The following VIM variants were observed in gnomAD, a reference collection of about 807,000 sequenced individuals.
The protein encoded by VIM is vimentin.
Under a neutral mutation model 50.3 loss-of-function variants are expected in VIM, and 18 were observed. The ratio of observed to expected loss-of-function variants is 0.36; its 90% CI spans 0.25 to 0.53. The LOEUF (loss-of-function observed/expected upper bound fraction) is 0.53. Among genes scored for constraint, VIM ranks in the 20% least tolerant of loss-of-function variants. The pLI, the probability that VIM is intolerant of heterozygous loss-of-function variation, is 0.91. For synonymous variants in VIM, 245 were observed against 248.5 expected, an observed-to-expected ratio of 0.99 and a Z score of 0.13; for missense variants, 551 against 614.7, an observed-to-expected ratio of 0.90 and a Z score of 1.10.
intron 8 of VIM, 29 bp from the exon 9 acceptor site, chr10:17,236,265 A>T (rs200106327): frequency 1.0e-5 from 15 of 1,501,230 alleles, no homozygotes; most frequent in Non-Finnish European, 1.2e-5. Context: ...ACTCGTTTTT[A>T]CTCATTTTTG....
Position 17,229,485 on chromosome 10 carries a change from G to A in VIM, c.63G>A (p.Ala21=), listed in dbSNP as rs765009320. 3.7e-6 allele frequency: 6 copies of A among 1,606,582 alleles called. No homozygotes were observed. The highest frequency in any genetic ancestry group is 2.0e-4 in the Middle Eastern group (1 of 4,906). ...YRRMFGGPGT[A]SRPSSSRSYV... ...GGATGTTCGGCGGCCCGGGCACCGCGAGCCGGCCGAGCTCCAGCCGGAGCT... is the reference window on the plus strand; with the variant it reads ...GGATGTTCGGCGGCCCGGGCACCGCAAGCCGGCCGAGCTCCAGCCGGAGCT... The change falls in exon 2 of 10, where the codon GCG becomes GCA. Residue 21 remains alanine (A), a synonymous_variant. Transcript: ENST00000544301.
intron 2 of VIM, 108 bp downstream of exon 2, chr10:17,230,093 G>A: frequency 7.5e-7 from 1 of 1,332,882 alleles, no homozygotes; most frequent in Non-Finnish European, 1.0e-6. Flanking sequence ...GGATGTGGCC[G>A]GGGGGAGGCC....
chr10:17,230,468 G>T (rs1588732501), intron 2 of VIM, 182 bp from the exon 3 acceptor site: 3 of 756,918 alleles, frequency 4.0e-6, no homozygotes, highest in East Asian at 2.5e-5. Context: ...GCCCCTCTGC[G>T]CGGTGCCCGA....
Position 17,237,413 on chromosome 10 carries a change from C to G in VIM, c.*142C>G, listed in dbSNP as rs9059. On this transcript the variant is annotated 3_prime_UTR_variant, in exon 10 of 10. Transcript: ENST00000544301. ...TTTGGAATAGGAATAAGCTCTAGTTCTTAACAACCGACACTCCTACAAGAT... is the reference window on the plus strand; with the variant it reads ...TTTGGAATAGGAATAAGCTCTAGTTGTTAACAACCGACACTCCTACAAGAT... 1.3e-6 allele frequency: 1 copy of G among 759,156 alleles called. No individual in the cohort carries two copies. The highest frequency in any genetic ancestry group is 2.2e-6 in the Non-Finnish European group (1 of 458,786). The allele number at this position is 759,156 out of a possible 1,614,324, so 47.0% of individuals were successfully genotyped here.
At chr10:17,236,487 G>T in intron 9 of VIM, 108 bp downstream of exon 9, 1 of 946,412 alleles carries the variant, frequency 1.1e-6, no homozygotes, top group South Asian at 1.3e-5. Flanking sequence ...GAGAGGTTCA[G>T]GTTTCATTCA....
chr10:17,234,872 T>C, intron 6 of VIM, 54 bp downstream of exon 6: 6 of 1,612,620 alleles, frequency 3.7e-6, no homozygotes, highest in Non-Finnish European at 5.1e-6. Context: ...TTCTGCTGAC[T>C]AGGCTCATGA....
Position 17,229,616 on chromosome 10 carries a change from C to T in VIM, c.194C>T (p.Ser65Phe), listed in dbSNP as rs1402661582. 1 of 1,596,876 alleles carries T rather than the reference C, an allele frequency of 6.3e-7. No homozygotes were observed. Among genetic ancestry groups the T allele is most frequent in the South Asian group, 1.1e-5 (1 of 88,802 alleles). The change falls in exon 2 of 10, where the codon TCC (serine) becomes TTC (phenylalanine). Residue 65 changes from serine to phenylalanine, a missense_variant. Transcript: ENST00000544301. The stretch of plus-strand genomic sequence containing the variant: ...CCGGGCGGCGTGTATGCCACGCGCT[C>T]CTCTGCCGTGCGCCTGCGGAGCAGC... The part of the protein sequence containing the change: ...SSPGGVYATR[S>F]SAVRLRSSVP...
intron 8 of VIM, 46 bp downstream of exon 8, chr10:17,235,935 C>G: frequency 6.4e-7 from 1 of 1,561,400 alleles, no homozygotes; most frequent in South Asian, 1.1e-5. Context: ...CTGCTTGTAA[C>G]CACTGTGTTT....
intron 3 of VIM, among the ~76,000 whole-genome samples, chr10:17,232,635 AT>A (rs1245728845): frequency 6.6e-6 from 1 of 152,134 alleles, no homozygotes; most frequent in African/African-American, 2.4e-5. Context: ...TTTCTTTTCC[AT>A]TTTTTCCTGA....
At chr10:17,237,166 A>G in intron 9 of VIM, 64 bp from the exon 10 acceptor site, 4 of 1,376,014 alleles carry the variant, frequency 2.9e-6, no homozygotes, top group South Asian at 1.2e-5. Flanking sequence ...TTGCCGTGAT[A>G]TATAGGATAA....
chr10:17,231,618 G>A (rs927985819), intron 3 of VIM, among the ~76,000 whole-genome samples: 1 of 152,200 alleles, frequency 6.6e-6, no homozygotes, highest in African/African-American at 2.4e-5. Context: ...AGTAGGTAAT[G>A]TAAAAAGTTT....
chr10:17,230,300 A>G (rs1846763330), intron 2 of VIM: 2 of 570,390 alleles, frequency 3.5e-6, no homozygotes, highest in Non-Finnish European at 6.3e-6. Flanking sequence ...CCAGTCCTCC[A>G]AACTTTCAGA....
chr10:17,229,428 C>T lies in VIM; in HGVS notation c.6C>T (p.Ser2=), dbSNP rs780501367. 1.9e-6 allele frequency: 3 copies of T among 1,604,132 alleles called. No homozygotes were observed. The African/African-American group carries it at 4.0e-5, about 21-fold the overall frequency. M[S]TRSVSSSSYR... is the part of the protein sequence containing the mutation. Reference sequence around the variant, plus strand: ...CATCGCCACCCTCCGCAGCCATGTCCACCAGGTCCGTGTCCTCGTCCTCCT... The same window carrying T: ...CATCGCCACCCTCCGCAGCCATGTCTACCAGGTCCGTGTCCTCGTCCTCCT... The change falls in exon 2 of 10, where the codon TCC becomes TCT. Residue 2 remains serine (S), a synonymous_variant. Coordinates refer to ENST00000544301, the MANE Select transcript of VIM (RefSeq NM_003380.5).
In VIM at chr10:17,233,946, A is replaced by G. The variant is rs1302338957; in HGVS notation, c.882+15A>G. ...ACAAATCCAAGGTAGGAAACAAATCAGTGCGGCTTCAACCAAAGAAAAGCA... is the reference window on the plus strand; with the variant it reads ...ACAAATCCAAGGTAGGAAACAAATCGGTGCGGCTTCAACCAAAGAAAAGCA... On this transcript the variant is annotated intron_variant, in intron 5 of 9. Coordinates refer to ENST00000544301, the MANE Select transcript of VIM (RefSeq NM_003380.5). 2 of 1,608,430 alleles carry G rather than the reference A, an allele frequency of 1.2e-6. No individual in the cohort carries two copies. Among genetic ancestry groups the G allele is most frequent in the Non-Finnish European group, 1.7e-6 (2 of 1,177,190 alleles).
intron 5 of VIM, among the ~76,000 whole-genome samples, chr10:17,234,315 A>G (rs1486260523): frequency 6.6e-6 from 1 of 152,064 alleles, no homozygotes; most frequent in Admixed American, 6.6e-5. Flanking sequence ...GGGTTTCACC[A>G]TGTTGACCAG....
chr10:17,234,625 T>A, intron 5 of VIM, 68 bp from the exon 6 acceptor site: 1 of 1,603,774 alleles, frequency 6.2e-7, no homozygotes, highest in Non-Finnish European at 8.5e-7. Context: ...GAAATATGAT[T>A]TTTTTTTTCT....
chr10:17,230,549 G>A (rs1387205651), intron 2 of VIM, 101 bp from the exon 3 acceptor site: 3 of 1,331,358 alleles, frequency 2.3e-6, no homozygotes, highest in Non-Finnish European at 3.2e-6. Context: ...AGGTGGCGCA[G>A]CTGCTCTGGA....
intron 3 of VIM, among the ~76,000 whole-genome samples, chr10:17,232,301 A>C (rs1846812216): frequency 6.6e-6 from 1 of 152,246 alleles, no homozygotes; most frequent in African/African-American, 2.4e-5. Flanking sequence ...TAAGACCGTA[A>C]GGCTATGAAC....
intron 5 of VIM, 93 bp from the exon 6 acceptor site, chr10:17,234,600 G>T: frequency 1.3e-6 from 2 of 1,574,818 alleles, no homozygotes; most frequent in Non-Finnish European, 1.7e-6. Context: ...ACCTATACTG[G>T]AAGACATTCA....
Sources: allele counts gnomAD v4.1 joint callset (sites outside exome capture counted in the v4.1 genomes callset), GRCh38; gene constraint gnomAD v4.1.1; transcripts MANE v1.5; gene names NCBI Gene and HGNC (gene_info 2026-07-23, HGNC 2026-07-21).